CPLX2: variants seen among roughly 807,000 people sequenced by gnomAD.
The protein encoded by CPLX2 is complexin 2.
CPLX2 carries 5 observed loss-of-function variants against 16.3 expected under a neutral mutation model. The ratio of observed to expected loss-of-function variants is 0.31; its 90% CI spans 0.16 to 0.64. The LOEUF is 0.64. Ranked by LOEUF, CPLX2 falls within the 30% of genes least tolerant of loss-of-function variation. CPLX2 has a pLI of 0.79. For synonymous variants in CPLX2, 89 were observed against 73.2 expected (o/e 1.22, Z -1.10); for missense variants, 144 against 181.4 (o/e 0.79, Z 1.18).
intron 2 of CPLX2, among the ~76,000 whole-genome samples, chr5:175,838,157 G>A (rs1310022464): frequency 2.6e-5 from 4 of 152,040 alleles, no homozygotes; most frequent in African/African-American, 9.7e-5. Flanking sequence ...TTTTGCCAAC[G>A]TAAGGGAGCG....
At chr5:175,858,907 C>T (rs1274679784) in intron 2 of CPLX2, among the ~76,000 whole-genome samples, 1 of 152,198 alleles carries the variant, frequency 6.6e-6, no homozygotes, top group Non-Finnish European at 1.5e-5. Context: ...AAGGGCAGAA[C>T]CGGAGAAAGA....
chr5:175,851,631 C>T (rs1759156951), intron 2 of CPLX2, among the ~76,000 whole-genome samples: 1 of 152,242 alleles, frequency 6.6e-6, no homozygotes, highest in Admixed American at 6.5e-5. Flanking sequence ...CCAGGCCCTA[C>T]TAGGCCTTAT....
At chr5:175,836,316 C>T (rs1012438927) in intron 2 of CPLX2, among the ~76,000 whole-genome samples, 2 of 152,120 alleles carry the variant, frequency 1.3e-5, no homozygotes, top group Non-Finnish European at 2.9e-5. Flanking sequence ...TGCCACTGCA[C>T]TCCAGCCTGG....
At chr5:175,824,479 A>T (rs1758571962) in intron 2 of CPLX2, among the ~76,000 whole-genome samples, 2 of 152,226 alleles carry the variant, frequency 1.3e-5, no homozygotes, top group Admixed American at 1.3e-4. Flanking sequence ...CAAAGGAGGA[A>T]ACCAAGGCCC....
At chr5:175,878,613 A>T in intron 1 of CPLX2, 39 bp from the exon 2 acceptor site, 1 of 1,025,308 alleles carries the variant, frequency 9.8e-7, no homozygotes, top group Non-Finnish European at 1.5e-6. Context: ...CTGCCTGTGC[A>T]GAGGCCTCTC....
chr5:175,819,426 T>G (rs1166595475), intron 2 of CPLX2, among the ~76,000 whole-genome samples: 1 of 152,232 alleles, frequency 6.6e-6, no homozygotes, highest in African/African-American at 2.4e-5. Context: ...TTCCGTCTTT[T>G]CCATTTCAGC....
rs188800928 is a variant in CPLX2 at position 175,842,229 on chromosome 5, G to A, written c.-89+33161G>A. Among the ~76,000 whole-genome samples the A allele has an allele frequency of 1.5e-4, 23 of 152,330 alleles. 1 individual carries two copies. In the South Asian group the frequency reaches 2.3e-3, roughly 15 times the overall value. ...GGGGCCATAAGGCCACATTTCAACC[G>A]AAAACAGCAGGTGGTAATCATTTCC... On this transcript the variant is annotated intron_variant, in intron 2 of 4. Coordinates refer to the CPLX2 transcript ENST00000359546.
At chr5:175,829,027 C>A (rs866230503) in intron 2 of CPLX2, among the ~76,000 whole-genome samples, 10 of 152,172 alleles carry the variant, frequency 6.6e-5, no homozygotes, top group Middle Eastern at 3.2e-3. Flanking sequence ...ACCTCACCAT[C>A]TCCCTGTCCC....
rs1333565221 is a variant in CPLX2 at position 175,881,215 on chromosome 5, G to A, written c.*1170G>A. 2 of 153,326 alleles carry A rather than the reference G, an allele frequency of 1.3e-5. No homozygotes were observed. The highest frequency in any genetic ancestry group is 4.8e-5 in the African/African-American group (2 of 41,460). 9.5% of individuals were successfully genotyped at this position (153,326 alleles called of 1,614,324 possible). A position where few individuals can be genotyped will look rare whatever the true frequency, so the allele number is the denominator to read the frequency against. ...TATCCATGCATGCATGATAATGCGT[G>A]GCAGAGACTGCAACAGGGATTGTGT... On this transcript the variant is annotated 3_prime_UTR_variant, in exon 4 of 4. Transcript: ENST00000393745.
chr5:175,840,729 C>A (rs1384611793), intron 2 of CPLX2, among the ~76,000 whole-genome samples: 1 of 152,188 alleles, frequency 6.6e-6, no homozygotes, highest in Non-Finnish European at 1.5e-5. Context: ...CTGTATTAGG[C>A]TGGTGCCAGG....
rs1398097915 is a variant in CPLX2, at chr5:175,878,897, C to T, written c.32-11C>T. The T allele has an allele frequency of 1.9e-6, 3 of 1,612,098 alleles. No individual in the cohort carries two copies. Among genetic ancestry groups the T allele is most frequent in the Admixed American group, 1.7e-5 (1 of 59,858 alleles). ...TGACCCCGCCCTCTCCTTCCCACCC[C>T]TTCCTCGTAGGGGCCACAAAGGACA... On this transcript the variant is annotated splice_polypyrimidine_tract_variant and intron_variant, in intron 2 of 3. Coordinates refer to ENST00000393745, the MANE Select transcript of CPLX2 (RefSeq NM_001008220.2).
chr5:175,859,224 A>C (rs1759317783), intron 2 of CPLX2, among the ~76,000 whole-genome samples: 1 of 152,262 alleles, frequency 6.6e-6, no homozygotes, highest in Admixed American at 6.5e-5. Context: ...TGGAATCAGG[A>C]GGCGTAGCCA....
chr5:175,810,983 A>T (rs2113633320), intron 2 of CPLX2, among the ~76,000 whole-genome samples: 1 of 152,336 alleles, frequency 6.6e-6, no homozygotes, highest in East Asian at 1.9e-4. Flanking sequence ...AGGCAGTGGG[A>T]TGAGATGGAA....
chr5:175,802,358 G>C lies in CPLX2; in HGVS notation c.-169+5574G>C, dbSNP rs532482689. On this transcript the variant is annotated intron_variant, in intron 1 of 4. Transcript: ENST00000359546. ...AATCTGCAACAAGCATTGCTGCATA[G>C]GGTTCAGAAGTTAATCTTGGTAAAG... Among the ~76,000 whole-genome samples the C allele has an allele frequency of 2.0e-5, 3 of 152,274 alleles. No individual in the cohort carries two copies. In the South Asian group the frequency reaches 6.2e-4, roughly 32 times the overall value.
upstream of CPLX2, among the ~76,000 whole-genome samples, chr5:175,870,232 T>A (rs973934474): frequency 6.6e-6 from 1 of 152,152 alleles, no homozygotes; most frequent in African/African-American, 2.4e-5. Context: ...CACAAGCCTG[T>A]AAGGGGAGAA....
At chr5:175,879,526 G>T (rs1755517134) in intron 3 of CPLX2, among the ~76,000 whole-genome samples, 1 of 152,226 alleles carries the variant, frequency 6.6e-6, no homozygotes, top group Non-Finnish European at 1.5e-5. Context: ...GTCTTCCATT[G>T]GTTCAAGTCA....
At chr5:175,804,086 T>C (rs1758151552) in intron 1 of CPLX2, among the ~76,000 whole-genome samples, 1 of 152,148 alleles carries the variant, frequency 6.6e-6, no homozygotes, top group Non-Finnish European at 1.5e-5. Flanking sequence ...GCAATTTTTT[T>C]TTAAATTAAT....
intron 1 of CPLX2, chr5:175,805,640 G>A (rs552707710): frequency 2.6e-5 from 4 of 152,356 alleles, no homozygotes; most frequent in African/African-American, 7.2e-5. Context: ...AGTGGTCAGG[G>A]GGCATCCCAG....
intron 2 of CPLX2, among the ~76,000 whole-genome samples, chr5:175,850,013 G>A (rs1026394194): frequency 2.6e-5 from 4 of 152,244 alleles, no homozygotes; most frequent in African/African-American, 9.6e-5. Context: ...ATACACAGAA[G>A]TCATCCTTGG....
Sources: gnomAD v4.1 joint callset for allele counts (sites outside exome capture counted in the v4.1 genomes callset) on GRCh38, gnomAD v4.1.1 for gene constraint, MANE v1.5 for transcripts, NCBI Gene and HGNC (gene_info 2026-07-23, HGNC 2026-07-21) for gene names.